The following GMDS variants were observed in gnomAD, a reference collection of about 807,000 sequenced individuals.
The protein encoded by GMDS is GDP-mannose 4,6-dehydratase, also known as GDP-mannose 4,6 dehydratase.
In GMDS, 20 loss-of-function variants were observed where a neutral mutation model predicts 49.9. The observed-to-expected ratio is 0.40, with a 90% CI of 0.28 to 0.58. The LOEUF is 0.58. Ranked by LOEUF, GMDS falls within the 20% of genes least tolerant of loss-of-function variation. The pLI is 0.42. For synonymous variants in GMDS, 177 were observed against 178.6 expected, an observed-to-expected ratio of 0.99 and a Z score of 0.07; for missense variants, 362 against 481.4, an observed-to-expected ratio of 0.75 and a Z score of 2.32.
chr6:1,631,037 C>T (rs1027954757), intron 9 of GMDS, among the ~76,000 whole-genome samples: 10 of 152,144 alleles, frequency 6.6e-5, no homozygotes, highest in Non-Finnish European at 1.2e-4. Context: ...TAAAGATTTA[C>T]CCATGCTGGA....
intron 6 of GMDS, among the ~76,000 whole-genome samples, chr6:1,958,011 G>C (rs536037955): frequency 6.6e-6 from 1 of 151,684 alleles, no homozygotes; most frequent in South Asian, 2.1e-4. Context: ...TTACTATGTT[G>C]CCCAGGCTGG....
chr6:1,874,340 C>T (rs9632519), intron 7 of GMDS, among the ~76,000 whole-genome samples: 1,804 of 152,258 alleles, frequency 0.012, 41 homozygotes, highest in African/African-American at 0.04. Flanking sequence ...TTTTTCCTCC[C>T]TAATACTCCT....
chr6:2,083,716 C>A (rs1431878666), intron 4 of GMDS, among the ~76,000 whole-genome samples: 1 of 152,166 alleles, frequency 6.6e-6, no homozygotes, highest in African/African-American at 2.4e-5. Context: ...AACCTTCATG[C>A]AATTTGAGTC....
chr6:1,883,434 C>A (rs1421986010), intron 7 of GMDS, among the ~76,000 whole-genome samples: 2 of 152,092 alleles, frequency 1.3e-5, no homozygotes, highest in African/African-American at 4.8e-5. Context: ...ATGGAAATCA[C>A]AATTGTCCAT....
intron 6 of GMDS, among the ~76,000 whole-genome samples, chr6:1,935,304 G>T (rs1488786173): frequency 1.3e-5 from 2 of 152,110 alleles, no homozygotes; most frequent in African/African-American, 4.8e-5. Context: ...AGGTTAAATG[G>T]CATTTCTTAC....
intron 4 of GMDS, among the ~76,000 whole-genome samples, chr6:2,021,038 T>C (rs995205422): frequency 2.6e-5 from 4 of 152,208 alleles, no homozygotes; most frequent in African/African-American, 9.6e-5. Context: ...GCTTCCTCCT[T>C]CTCCCAGCTG....
At chr6:2,176,977 G>C (rs145449128) in intron 1 of GMDS, among the ~76,000 whole-genome samples, 1 of 152,130 alleles carries the variant, frequency 6.6e-6, no homozygotes, top group Non-Finnish European at 1.5e-5. Flanking sequence ...GGAAAGGGAT[G>C]GTCTCAGAAA....
At chr6:1,867,325 T>C (rs1758486375) in intron 7 of GMDS, among the ~76,000 whole-genome samples, 1 of 152,236 alleles carries the variant, frequency 6.6e-6, no homozygotes. Flanking sequence ...TTTTCCTTTG[T>C]GAAATATTAA....
intron 4 of GMDS, among the ~76,000 whole-genome samples, chr6:2,029,496 T>C (rs756455672): frequency 1.3e-5 from 2 of 152,154 alleles, no homozygotes; most frequent in Non-Finnish European, 2.9e-5. Context: ...TTGTCCAGGG[T>C]ATTGGTAATT....
At chr6:1,948,365 A>T (rs1355701028) in intron 6 of GMDS, among the ~76,000 whole-genome samples, 5 of 152,236 alleles carry the variant, frequency 3.3e-5, no homozygotes, top group African/African-American at 1.2e-4. Flanking sequence ...TTACAACTGC[A>T]TCTATGTAAT....
intron 9 of GMDS, among the ~76,000 whole-genome samples, chr6:1,659,291 C>T (rs1763990748): frequency 6.6e-6 from 1 of 151,790 alleles, no homozygotes; most frequent in African/African-American, 2.4e-5. Context: ...ATTCAGTGGC[C>T]TTTAGTAACT....
chr6:1,875,807 C>T (rs1429901866), intron 7 of GMDS, among the ~76,000 whole-genome samples: 1 of 151,950 alleles, frequency 6.6e-6, no homozygotes, highest in Non-Finnish European at 1.5e-5. Flanking sequence ...CAGCGCAACA[C>T]CTGAGGTCAC....
At chr6:1,944,005 G>A (rs1358386484) in intron 6 of GMDS, among the ~76,000 whole-genome samples, 1 of 151,956 alleles carries the variant, frequency 6.6e-6, no homozygotes, top group Admixed American at 6.5e-5. Context: ...TGACTTATTT[G>A]CATTAAAAAT....
Position 1,791,576 on chromosome 6 carries a change from T to C in GMDS, c.772-48990A>G, listed in dbSNP as rs112255907. On this transcript the variant is annotated intron_variant, in intron 7 of 10. Coordinates refer to ENST00000380815, the MANE Select transcript of GMDS (RefSeq NM_001500.4). ...CATTAGGAGTTACGGCTTCAACATA[T>C]GAATTTTGGGGAGACACAATTCAGT... 5.7e-3 allele frequency among the ~76,000 whole-genome samples: 871 copies of C among 152,322 alleles called. 13 individuals are homozygous for C. Among genetic ancestry groups the C allele is most frequent in the African/African-American group, 0.02 (836 of 41,568 alleles).
At chr6:1,685,891 T>G (rs1764959466) in intron 9 of GMDS, among the ~76,000 whole-genome samples, 1 of 152,230 alleles carries the variant, frequency 6.6e-6, no homozygotes, top group Non-Finnish European at 1.5e-5. Flanking sequence ...CTTCTTAAGC[T>G]TATCAGTGAA....
intron 1 of GMDS, among the ~76,000 whole-genome samples, chr6:2,240,443 T>C (rs1334672753): frequency 2.0e-5 from 3 of 151,982 alleles, no homozygotes; most frequent in Non-Finnish European, 4.4e-5. Flanking sequence ...CCAAAGCCAG[T>C]GCAGTTCAGA....
At chr6:2,219,929 G>A (rs1780508289) in intron 1 of GMDS, among the ~76,000 whole-genome samples, 1 of 152,108 alleles carries the variant, frequency 6.6e-6, no homozygotes, top group Non-Finnish European at 1.5e-5. Flanking sequence ...CCACCCCTCT[G>A]GTCCCAAGCA....
intron 4 of GMDS, among the ~76,000 whole-genome samples, chr6:2,026,013 T>A (rs1768576625): frequency 6.6e-6 from 1 of 152,248 alleles, no homozygotes; most frequent in African/African-American, 2.4e-5. Context: ...AATAACTTTT[T>A]AAATTAATTT....
At chr6:1,659,459 T>C (rs775251782) in intron 9 of GMDS, among the ~76,000 whole-genome samples, 1 of 152,108 alleles carries the variant, frequency 6.6e-6, no homozygotes, top group Non-Finnish European at 1.5e-5. Context: ...GTCCTCCCAG[T>C]TACAGCCTGG....
Sources: allele counts gnomAD v4.1 joint callset (sites outside exome capture counted in the v4.1 genomes callset), GRCh38; gene constraint gnomAD v4.1.1; transcripts MANE v1.5; gene names NCBI Gene and HGNC (gene_info 2026-07-23, HGNC 2026-07-21).